Variants in EPHA5 observed in about 807,000 individuals in gnomAD.
EPHA5 encodes EPH receptor A5.
EPHA5 carries 60 observed loss-of-function variants against 105.0 expected under a neutral mutation model. The observed-to-expected ratio is 0.57, with a 90% confidence interval of 0.46 to 0.71. The LOEUF is 0.71. Among genes scored for constraint, EPHA5 ranks in the 30% least tolerant of loss-of-function variants. EPHA5 has a pLI of 0.00. For missense variants in EPHA5, 1,218 were observed against 1,274.7 expected, an observed-to-expected ratio of 0.96 and a Z score of 0.68; for synonymous variants, 513 against 449.1, an observed-to-expected ratio of 1.14 and a Z score of -1.80.
At chr4:65,623,427 A>G (rs561002105) in intron 2 of EPHA5, among the ~76,000 whole-genome samples, 2 of 152,198 alleles carry the variant, frequency 1.3e-5, no homozygotes, top group South Asian at 2.1e-4. Context: ...TGGAGACACA[A>G]CATTGAAAAA....
At position 65,640,378 on chromosome 4, in the gene EPHA5, C is replaced by T. The variant is rs373954366; in HGVS notation, c.246+2985G>A. 8.7e-3 allele frequency among the ~76,000 whole-genome samples: 1,305 copies of T among 149,948 alleles called. 9 individuals are homozygous for T. Among genetic ancestry groups the T allele is most frequent in the Middle Eastern group, 0.019 (5 of 264 alleles). ...TTGGCTCACTGCAAGCTCCACCTCC[C>T]GGGTTCAAGCCATTCTCCTGCCTCA... On this transcript the variant is annotated intron_variant, in intron 2 of 16. Transcript: ENST00000613740.
At chr4:65,512,478 AC>A (rs1430753329) in intron 3 of EPHA5, among the ~76,000 whole-genome samples, 1 of 151,972 alleles carries the variant, frequency 6.6e-6, no homozygotes, top group African/African-American at 2.4e-5. Flanking sequence ...TGAATGGTGA[AC>A]CGCCATACTT....
intron 8 of EPHA5, among the ~76,000 whole-genome samples, chr4:65,386,187 T>C (rs1374361677): frequency 6.6e-6 from 1 of 151,940 alleles, no homozygotes; most frequent in African/African-American, 2.4e-5. Flanking sequence ...CTAGTTTTAA[T>C]GGGTAAAGAG....
intron 1 of EPHA5, among the ~76,000 whole-genome samples, chr4:65,652,567 C>T (rs1036351310): frequency 6.6e-6 from 1 of 152,102 alleles, no homozygotes; most frequent in African/African-American, 2.4e-5. Context: ...ATATCTAACT[C>T]CAAAGCTCTT....
chr4:65,479,560 C>A (rs1730153458), intron 5 of EPHA5, among the ~76,000 whole-genome samples: 1 of 152,020 alleles, frequency 6.6e-6, no homozygotes, highest in Non-Finnish European at 1.5e-5. Context: ...TTTTGTTTCC[C>A]TTCTCATATT....
chr4:65,348,034 AAGAGT>A lies in EPHA5; in HGVS notation c.2595+15_2595+19del. On this transcript the variant is annotated intron_variant, in intron 14 of 16. Coordinates refer to ENST00000613740, the MANE Select transcript of EPHA5 (RefSeq NM_001281766.3). ...AAAGCATTTCATTGTCAAGTTGGGA[AAGAGT>A]AGTTCCATACTCACATCTTGATTGG... 6.4e-7 allele frequency: 1 copy of A among 1,556,854 alleles called. No individual in the cohort carries two copies. The highest frequency in any genetic ancestry group is 8.7e-7 in the Non-Finnish European group (1 of 1,154,090).
chr4:65,668,718 A>G (rs1275685408), intron 1 of EPHA5, among the ~76,000 whole-genome samples: 1 of 152,014 alleles, frequency 6.6e-6, no homozygotes, highest in Non-Finnish European at 1.5e-5. Flanking sequence ...CTGGGTCTGG[A>G]GCACAGGATT....
At chr4:65,589,296 T>C (rs1742414691) in intron 3 of EPHA5, among the ~76,000 whole-genome samples, 1 of 152,162 alleles carries the variant, frequency 6.6e-6, no homozygotes, top group Admixed American at 6.6e-5. Context: ...ATTCTGAATT[T>C]AAATTTTTTT....
intron 5 of EPHA5, among the ~76,000 whole-genome samples, chr4:65,472,621 G>A (rs1438180841): frequency 1.3e-5 from 2 of 152,216 alleles, no homozygotes; most frequent in Admixed American, 6.5e-5. Context: ...ACCCTCTGAA[G>A]CAATGGTGCA....
intron 5 of EPHA5, among the ~76,000 whole-genome samples, chr4:65,464,927 A>G (rs1169584247): frequency 1.3e-5 from 2 of 152,130 alleles, no homozygotes; most frequent in African/African-American, 4.8e-5. Flanking sequence ...CTAATCACTA[A>G]CAATTCAGTC....
chr4:65,504,480 G>A (rs1732808268), intron 3 of EPHA5, among the ~76,000 whole-genome samples: 1 of 151,658 alleles, frequency 6.6e-6, no homozygotes, highest in African/African-American at 2.4e-5. Flanking sequence ...ACTATTCACT[G>A]ACAAATAATG....
intron 2 of EPHA5, among the ~76,000 whole-genome samples, chr4:65,623,998 T>C (rs1745925905): frequency 6.6e-6 from 1 of 152,166 alleles, no homozygotes; most frequent in Non-Finnish European, 1.5e-5. Context: ...TAGAAAATGC[T>C]AAAAATGTAT....
chr4:65,329,081 G>A (rs1013110922), intron 16 of EPHA5, among the ~76,000 whole-genome samples: 1 of 151,258 alleles, frequency 6.6e-6, no homozygotes, highest in African/African-American at 2.4e-5. Context: ...TTAAAAAGTA[G>A]CTGTGATTCT....
chr4:65,473,978 C>T (rs1031165984), intron 5 of EPHA5, among the ~76,000 whole-genome samples: 5 of 143,732 alleles, frequency 3.5e-5, no homozygotes, highest in African/African-American at 5.2e-5. Flanking sequence ...TCTTTTTACA[C>T]TTGGACACAG....
chr4:65,413,672 G>A (rs866859475), intron 7 of EPHA5, among the ~76,000 whole-genome samples: 2 of 151,864 alleles, frequency 1.3e-5, no homozygotes, highest in Non-Finnish European at 2.9e-5. Context: ...TTCTGTCTTC[G>A]AATTCTTCTT....
intron 7 of EPHA5, 136 bp from the exon 8 acceptor site, chr4:65,404,615 C>A: frequency 1.5e-6 from 1 of 657,912 alleles, no homozygotes; most frequent in Non-Finnish European, 2.6e-6. Flanking sequence ...CCCCTAATAT[C>A]CTTTCTTAAA....
At chr4:65,398,433 A>G (rs1460088545) in intron 8 of EPHA5, among the ~76,000 whole-genome samples, 1 of 152,120 alleles carries the variant, frequency 6.6e-6, no homozygotes, top group Non-Finnish European at 1.5e-5. Context: ...TGTGGACAGC[A>G]TATTGATGGT....
intron 8 of EPHA5, among the ~76,000 whole-genome samples, chr4:65,385,952 T>C (rs1183289512): frequency 1.3e-5 from 2 of 151,910 alleles, no homozygotes; most frequent in Non-Finnish European, 2.9e-5. Flanking sequence ...TAGCTGCTTA[T>C]TTAGTACATG....
At chr4:65,342,207 T>A (rs962942655) in intron 14 of EPHA5, among the ~76,000 whole-genome samples, 28 of 152,060 alleles carry the variant, frequency 1.8e-4, no homozygotes, top group African/African-American at 5.8e-4. Flanking sequence ...AATCTTGAGC[T>A]GAAGAACTGA....
Sources: gnomAD v4.1 joint callset for allele counts (sites outside exome capture counted in the v4.1 genomes callset) on GRCh38, gnomAD v4.1.1 for gene constraint, MANE v1.5 for transcripts, NCBI Gene and HGNC (gene_info 2026-07-23, HGNC 2026-07-21) for gene names.